Variants in RAP1A observed in about 807,000 individuals in gnomAD.
The protein encoded by RAP1A is ras-related protein Rap-1A.
A neutral mutation model predicts 26.4 loss-of-function variants in RAP1A; 6 were observed. The observed-to-expected ratio is 0.23, with a 90% CI of 0.12 to 0.45. The LOEUF is 0.45. Among genes scored for constraint, RAP1A ranks in the 20% least tolerant of loss-of-function variants. The pLI, the probability that RAP1A is intolerant of heterozygous loss-of-function variation, is 0.99. For synonymous variants in RAP1A, 73 were observed against 79.4 expected (o/e 0.92, Z 0.43); for missense variants, 121 against 217.2 (o/e 0.56, Z 2.78).
At chr1:111,647,224 A>G (rs1161585431) in intron 1 of RAP1A, among the ~76,000 whole-genome samples, 1 of 152,192 alleles carries the variant, frequency 6.6e-6, no homozygotes, top group Non-Finnish European at 1.5e-5. Flanking sequence ...TACATAATCT[A>G]GCTTGCACGC....
intron 2 of RAP1A, among the ~76,000 whole-genome samples, chr1:111,693,507 T>C (rs1661733714): frequency 6.6e-6 from 1 of 152,118 alleles, no homozygotes; most frequent in African/African-American, 2.4e-5. Flanking sequence ...GGAATAAAAT[T>C]ATAATCTATG....
chr1:111,625,685 C>G (rs566068210), intron 1 of RAP1A, among the ~76,000 whole-genome samples: 2 of 152,322 alleles, frequency 1.3e-5, no homozygotes, highest in South Asian at 2.1e-4. Flanking sequence ...TAGGCCAAAT[C>G]TATTGATACC....
intron 1 of RAP1A, among the ~76,000 whole-genome samples, chr1:111,558,773 C>CA (rs1022871546): frequency 6.6e-6 from 1 of 151,992 alleles, no homozygotes; most frequent in Middle Eastern, 3.2e-3. Context: ...GACAAACTTA[C>CA]AAAAAAATTG....
intron 1 of RAP1A, among the ~76,000 whole-genome samples, chr1:111,673,070 C>CTCTCTGGTTTGTGTATT (rs1395434027): frequency 6.6e-6 from 1 of 152,170 alleles, no homozygotes; most frequent in Non-Finnish European, 1.5e-5. Flanking sequence ...TTGTTCGGCA[C>CTCTCTGGTTTGTGTATT]TCTCTGGTTT....
chr1:111,652,130 T>C (rs1660293088), intron 1 of RAP1A, among the ~76,000 whole-genome samples: 1 of 152,112 alleles, frequency 6.6e-6, no homozygotes, highest in South Asian at 2.1e-4. Flanking sequence ...TGTGCCACCA[T>C]GCCCAGCTAA....
intron 1 of RAP1A, among the ~76,000 whole-genome samples, chr1:111,621,180 C>T (rs935148898): frequency 7.2e-5 from 11 of 152,112 alleles, no homozygotes; most frequent in African/African-American, 2.7e-4. Context: ...ACTTGGGGCT[C>T]CTACCTTCAA....
At chr1:111,614,187 C>T (rs1658976902) in intron 1 of RAP1A, among the ~76,000 whole-genome samples, 1 of 152,182 alleles carries the variant, frequency 6.6e-6, no homozygotes, top group Non-Finnish European at 1.5e-5. Context: ...TCCTTCTAAG[C>T]AAGTCTTTCT....
chr1:111,633,425 G>C (rs1659634379), intron 1 of RAP1A, among the ~76,000 whole-genome samples: 1 of 152,156 alleles, frequency 6.6e-6, no homozygotes. Context: ...ATTATTTAAG[G>C]ATATCAGATT....
chr1:111,685,737 C>T (rs1661450892), intron 1 of RAP1A, among the ~76,000 whole-genome samples: 1 of 152,088 alleles, frequency 6.6e-6, no homozygotes, highest in Non-Finnish European at 1.5e-5. Flanking sequence ...GGATCTAGAA[C>T]CAGAAATACC....
At chr1:111,652,823 A>G (rs1244705620) in intron 1 of RAP1A, among the ~76,000 whole-genome samples, 1 of 152,178 alleles carries the variant, frequency 6.6e-6, no homozygotes, top group African/African-American at 2.4e-5. Context: ...TTCCTGAGAA[A>G]GTTAAACATA....
intron 5 of RAP1A, among the ~76,000 whole-genome samples, chr1:111,704,074 G>A (rs1032190525): frequency 6.6e-6 from 1 of 151,818 alleles, no homozygotes; most frequent in African/African-American, 2.4e-5. Context: ...GGGATTACAG[G>A]CATGAACCAT....
At chr1:111,666,616 A>G (rs1267534628) in intron 1 of RAP1A, among the ~76,000 whole-genome samples, 1 of 151,132 alleles carries the variant, frequency 6.6e-6, no homozygotes, top group African/African-American at 2.4e-5. Context: ...TCAGCAGTCT[A>G]ATTTAGGTAA....
chr1:111,678,540 T>A (rs891261321), intron 1 of RAP1A, among the ~76,000 whole-genome samples: 5 of 152,168 alleles, frequency 3.3e-5, no homozygotes, highest in African/African-American at 1.2e-4. Flanking sequence ...GCATACCACA[T>A]ACCTAGGCTG....
chr1:111,556,851 A>C (rs1450377234), intron 1 of RAP1A, among the ~76,000 whole-genome samples: 3 of 152,120 alleles, frequency 2.0e-5, no homozygotes, highest in African/African-American at 7.2e-5. Context: ...GAATGTCCTT[A>C]ATGTCACTGA....
At chr1:111,634,623 A>G (rs1175862544) in intron 1 of RAP1A, among the ~76,000 whole-genome samples, 1 of 150,656 alleles carries the variant, frequency 6.6e-6, no homozygotes, top group African/African-American at 2.4e-5. Context: ...GTATGTATGT[A>G]TGTATTTATT....
At chr1:111,652,700 G>A (rs1468174039) in intron 1 of RAP1A, among the ~76,000 whole-genome samples, 1 of 151,928 alleles carries the variant, frequency 6.6e-6, no homozygotes, top group African/African-American at 2.4e-5. Context: ...CTGTAATTTA[G>A]GGGAAAAAAG....
At chr1:111,587,138 T>C (rs902838423) in intron 1 of RAP1A, among the ~76,000 whole-genome samples, 2 of 152,166 alleles carry the variant, frequency 1.3e-5, no homozygotes, top group East Asian at 1.9e-4. Context: ...TCCCTGCATA[T>C]CGACTTCCTG....
At chr1:111,598,478 C>A (rs1463138412) in intron 1 of RAP1A, among the ~76,000 whole-genome samples, 1 of 151,792 alleles carries the variant, frequency 6.6e-6, no homozygotes. Flanking sequence ...TTTTTTTGTC[C>A]CACACGCTTC....
intron 1 of RAP1A, among the ~76,000 whole-genome samples, chr1:111,608,935 T>G (rs1478827316): frequency 6.6e-6 from 1 of 152,182 alleles, no homozygotes; most frequent in African/African-American, 2.4e-5. Context: ...CACTGCTGAG[T>G]TCTGCTGAGC....
Sources: allele counts gnomAD v4.1 joint callset (sites outside exome capture counted in the v4.1 genomes callset), GRCh38; gene constraint gnomAD v4.1.1; transcripts MANE v1.5; gene names NCBI Gene and HGNC (gene_info 2026-07-23, HGNC 2026-07-21).